Variants in NAALADL2 observed in about 807,000 individuals in gnomAD.
NAALADL2 encodes N-acetylated alpha-linked acidic dipeptidase like 2.
NAALADL2 carries 76 observed loss-of-function variants against 87.2 expected under a neutral mutation model. The ratio of observed to expected loss-of-function variants is 0.87; its 90% CI spans 0.72 to 1.05. The LOEUF (loss-of-function observed/expected upper bound fraction) is 1.05. Ranked by LOEUF, NAALADL2 falls within the 50% of genes least tolerant of loss-of-function variation. The probability of loss-of-function intolerance (pLI) is 0.00; values close to 1 mark genes in which losing one functional copy is unlikely to be tolerated. For missense variants in NAALADL2, 1,089 were observed against 945.8 expected (o/e 1.15, Z -1.99); for synonymous variants, 354 against 331.0 (o/e 1.07, Z -0.75).
Position 174,450,956 on chromosome 3 carries a change from C to T in NAALADL2, c.-184+9924C>T, listed in dbSNP as rs1487333847. On this transcript the variant is annotated intron_variant, in intron 1 of 3. Transcript: ENST00000434257. ...TTTACTCTGCAGAAACCATAAACAT[C>T]AGTTCTATGAGACAACTGAGTCAAT... Among the ~76,000 whole-genome samples the T allele has an allele frequency of 2.0e-5, 3 of 150,398 alleles. No homozygotes were observed. In the East Asian group the frequency reaches 5.8e-4, roughly 29 times the overall value.
chr3:174,713,440 T>C (rs1309513972), intron 2 of NAALADL2, among the ~76,000 whole-genome samples: 1 of 152,176 alleles, frequency 6.6e-6, no homozygotes, highest in Non-Finnish European at 1.5e-5. Context: ...AGTGTTCCTA[T>C]TTCTCCACAT....
chr3:174,938,607 T>G (rs1377082384), intron 1 of NAALADL2, among the ~76,000 whole-genome samples: 1 of 152,140 alleles, frequency 6.6e-6, no homozygotes, highest in Admixed American at 6.6e-5. Flanking sequence ...CCATACTGTT[T>G]TCCACAATGG....
intron 4 of NAALADL2, among the ~76,000 whole-genome samples, chr3:175,290,228 G>T (rs78922473): frequency 0.019 from 2,894 of 152,172 alleles, 86 homozygotes; most frequent in African/African-American, 0.065. Flanking sequence ...AAACATAGCA[G>T]CTTATTCATA....
intron 2 of NAALADL2, among the ~76,000 whole-genome samples, chr3:174,672,210 A>G (rs1259818494): frequency 6.6e-6 from 1 of 152,066 alleles, no homozygotes; most frequent in Admixed American, 6.6e-5. Context: ...ACAATAGCTA[A>G]ACTTTGGTTC....
chr3:175,334,806 G>T (rs141082902), intron 5 of NAALADL2, among the ~76,000 whole-genome samples: 2 of 152,248 alleles, frequency 1.3e-5, no homozygotes, highest in African/African-American at 4.8e-5. Flanking sequence ...TTGGATAAAG[G>T]GAGAAATGGA....
intron 1 of NAALADL2, among the ~76,000 whole-genome samples, chr3:174,951,335 G>A (rs1740311490): frequency 6.6e-6 from 1 of 152,008 alleles, no homozygotes; most frequent in Admixed American, 6.6e-5. Flanking sequence ...ACTAGGGACA[G>A]CCTTCTAAAT....
chr3:174,647,304 G>T (rs1723892031), intron 2 of NAALADL2, among the ~76,000 whole-genome samples: 1 of 152,134 alleles, frequency 6.6e-6, no homozygotes, highest in African/African-American at 2.4e-5. Context: ...TGTTAGAACT[G>T]GTTTGTGAAT....
intron 1 of NAALADL2, among the ~76,000 whole-genome samples, chr3:174,532,852 C>A (rs1721367375): frequency 6.6e-6 from 1 of 151,982 alleles, no homozygotes; most frequent in Non-Finnish European, 1.5e-5. Context: ...TTTGGAGGGT[C>A]ATGGCTGTGG....
intron 6 of NAALADL2, 146 bp downstream of exon 6, chr3:175,447,518 C>G: frequency 1.9e-6 from 1 of 521,632 alleles, no homozygotes; most frequent in Non-Finnish European, 3.1e-6. Context: ...TTCTGTGGCT[C>G]TTTAGCAGCA....
intron 11 of NAALADL2, among the ~76,000 whole-genome samples, chr3:175,708,496 C>A (rs942647606): frequency 2.0e-5 from 3 of 151,540 alleles, no homozygotes; most frequent in Non-Finnish European, 2.9e-5. Context: ...TTATTGCATC[C>A]ATTTTTCTGG....
chr3:175,116,677 C>G (rs927775427), intron 2 of NAALADL2, among the ~76,000 whole-genome samples: 1 of 151,966 alleles, frequency 6.6e-6, no homozygotes, highest in Non-Finnish European at 1.5e-5. Context: ...TTTATGGATT[C>G]AATGCCATCC....
chr3:175,414,347 C>A (rs9857066), intron 5 of NAALADL2, among the ~76,000 whole-genome samples: 114,059 of 152,008 alleles, frequency 0.75, 42,997 homozygotes, highest in East Asian at 0.87. Flanking sequence ...TTTAGTGCAC[C>A]GGTACCTTAT....
chr3:175,168,333 A>G (rs1465026650), intron 2 of NAALADL2, among the ~76,000 whole-genome samples: 1 of 151,878 alleles, frequency 6.6e-6, no homozygotes, highest in African/African-American at 2.4e-5. Flanking sequence ...ACATATAGAT[A>G]ACCTAGTTTA....
At chr3:174,611,269 A>G (rs964384426) in intron 2 of NAALADL2, among the ~76,000 whole-genome samples, 4 of 152,120 alleles carry the variant, frequency 2.6e-5, no homozygotes, top group Non-Finnish European at 4.4e-5. Context: ...TACATATGTA[A>G]CTAACCTGCA....
rs577025550 is a variant in NAALADL2, at chr3:175,050,177, G to A, written c.44-46613G>A. 9.2e-5 allele frequency among the ~76,000 whole-genome samples: 14 copies of A among 152,282 alleles called. No individual in the cohort carries two copies. The East Asian group carries it at 1.5e-3, about 17-fold the overall frequency. On this transcript the variant is annotated intron_variant, in intron 1 of 13. Transcript: ENST00000454872. ...GTTTCCACCTTGTGACCCAACTGCCGGGATAGGCTCTGGCAACCCGTGATA... is the reference window on the plus strand; with the variant it reads ...GTTTCCACCTTGTGACCCAACTGCCAGGATAGGCTCTGGCAACCCGTGATA...
rs565567537 is a variant in NAALADL2 at position 175,408,443 on chromosome 3, A to T, written c.1091-38786A>T. ...CAGAAATTTAAAAATTTAAACATAT[A>T]TAAAAACTAACAAATATTTAATATC... On this transcript the variant is annotated intron_variant, in intron 5 of 13. Coordinates refer to ENST00000454872, the MANE Select transcript of NAALADL2 (RefSeq NM_207015.3). Among the ~76,000 whole-genome samples the T allele has an allele frequency of 2.0e-5, 3 of 152,212 alleles. No individual in the cohort carries two copies. The East Asian group carries it at 5.8e-4, about 29-fold the overall frequency.
intron 1 of NAALADL2, among the ~76,000 whole-genome samples, chr3:174,970,426 C>G (rs1253429060): frequency 6.6e-6 from 1 of 152,058 alleles, no homozygotes; most frequent in Non-Finnish European, 1.5e-5. Context: ...AGCTCTTTTG[C>G]TCTATTTCAG....
At chr3:174,858,981 G>A (rs939337293), upstream of NAALADL2, among the ~76,000 whole-genome samples, 2 of 152,022 alleles carry the variant, frequency 1.3e-5, no homozygotes, top group African/African-American at 4.8e-5. Flanking sequence ...TAAATGTCGT[G>A]TAATACACTT....
At chr3:174,967,615 A>T (rs1178677916) in intron 1 of NAALADL2, among the ~76,000 whole-genome samples, 2 of 152,092 alleles carry the variant, frequency 1.3e-5, no homozygotes, top group Admixed American at 1.3e-4. Context: ...GAGATCACAG[A>T]CTCTAAAGAA....
Sources: gnomAD v4.1 joint callset for allele counts (sites outside exome capture counted in the v4.1 genomes callset) on GRCh38, gnomAD v4.1.1 for gene constraint, MANE v1.5 for transcripts, NCBI Gene and HGNC (gene_info 2026-07-23, HGNC 2026-07-21) for gene names.